ZNF438: variants seen among roughly 807,000 people sequenced by gnomAD.
ZNF438 encodes zinc finger protein 438.
A neutral mutation model predicts 38.0 loss-of-function variants in ZNF438; 25 were observed. The ratio of observed to expected loss-of-function variants is 0.66; its 90% CI spans 0.48 to 0.92. The LOEUF (loss-of-function observed/expected upper bound fraction) is 0.92, where lower values mean the gene tolerates loss of function less well. Among genes scored for constraint, ZNF438 ranks in the 40% least tolerant of loss-of-function variants. The pLI is 0.00. For missense variants in ZNF438, 1,007 were observed against 999.6 expected, an observed-to-expected ratio of 1.01 and a Z score of -0.10; for synonymous variants, 372 against 364.1, an observed-to-expected ratio of 1.02 and a Z score of -0.25.
At chr10:30,916,564 A>G (rs529544740) in intron 2 of ZNF438, among the ~76,000 whole-genome samples, 78 of 151,884 alleles carry the variant, frequency 5.1e-4, no homozygotes, top group African/African-American at 1.8e-3. Context: ...TAGTGTTACC[A>G]TATGTATCCC....
intron 4 of ZNF438, among the ~76,000 whole-genome samples, chr10:30,875,179 G>A (rs1286311396): frequency 6.6e-6 from 1 of 152,152 alleles, no homozygotes; most frequent in Non-Finnish European, 1.5e-5. Flanking sequence ...GTCAATGGAA[G>A]TATCCAAGCT....
At chr10:30,875,882 T>G (rs1020518743) in intron 4 of ZNF438, among the ~76,000 whole-genome samples, 5 of 152,258 alleles carry the variant, frequency 3.3e-5, no homozygotes, top group African/African-American at 1.2e-4. Flanking sequence ...AAGATGAGGA[T>G]GTCCCAGATA....
chr10:31,019,046 C>T (rs2056406261), intron 1 of ZNF438, among the ~76,000 whole-genome samples: 1 of 152,176 alleles, frequency 6.6e-6, no homozygotes, highest in Admixed American at 6.5e-5. Flanking sequence ...CTGGCTAAAC[C>T]AACAGGGTTC....
intron 3 of ZNF438, among the ~76,000 whole-genome samples, chr10:30,896,567 T>C (rs190311414): frequency 6.1e-4 from 93 of 152,224 alleles, no homozygotes; most frequent in Non-Finnish European, 1.0e-4. Context: ...AGGGCAAACA[T>C]TGTATGATTC....
chr10:30,969,245 A>C (rs1255795348), intron 1 of ZNF438, among the ~76,000 whole-genome samples: 20 of 152,226 alleles, frequency 1.3e-4, no homozygotes, highest in Non-Finnish European at 1.5e-5. Context: ...AAGAGGGAAC[A>C]AAAAAATCAA....
intron 1 of ZNF438, among the ~76,000 whole-genome samples, chr10:30,985,566 T>C (rs2052677618): frequency 6.6e-6 from 1 of 152,240 alleles, no homozygotes; most frequent in African/African-American, 2.4e-5. Context: ...ATCTAATTCA[T>C]GAAACCAAAG....
At chr10:30,872,158 G>A (rs1246021373) in intron 4 of ZNF438, among the ~76,000 whole-genome samples, 1 of 152,064 alleles carries the variant, frequency 6.6e-6, no homozygotes. Context: ...CACCTTGGGA[G>A]GCTGAGGTGG....
intron 5 of ZNF438, 93 bp from the exon 7 acceptor site, chr10:30,845,666 A>AT (rs2031838121): frequency 6.9e-7 from 1 of 1,446,324 alleles, no homozygotes; most frequent in African/African-American, 1.4e-5. Context: ...GATCTAAAAC[A>AT]TAACACTGAC....
intron 3 of ZNF438, among the ~76,000 whole-genome samples, chr10:30,892,684 A>T (rs2040844809): frequency 6.6e-6 from 1 of 152,150 alleles, no homozygotes; most frequent in African/African-American, 2.4e-5. Context: ...GCAACGGCTC[A>T]ACAGCTCTTT....
chr10:30,883,984 C>T (rs1281470169), intron 3 of ZNF438, among the ~76,000 whole-genome samples: 2 of 152,222 alleles, frequency 1.3e-5, no homozygotes, highest in East Asian at 3.9e-4. Context: ...AAGTATGCAT[C>T]TCTCAGCGGG....
intron 3 of ZNF438, among the ~76,000 whole-genome samples, chr10:30,888,257 C>G (rs1462851857): frequency 6.6e-6 from 1 of 151,832 alleles, no homozygotes; most frequent in Non-Finnish European, 1.5e-5. Context: ...AAAAAACTAC[C>G]TCTTCTAAGC....
At chr10:30,902,631 T>G (rs183846405) in intron 3 of ZNF438, among the ~76,000 whole-genome samples, 120 of 152,292 alleles carry the variant, frequency 7.9e-4, no homozygotes, top group Non-Finnish European at 1.5e-3. Flanking sequence ...GAGCGCTGAT[T>G]GGTGCATTTA....
At chr10:30,899,579 T>C (rs548154491) in intron 3 of ZNF438, among the ~76,000 whole-genome samples, 39 of 152,194 alleles carry the variant, frequency 2.6e-4, no homozygotes, top group Non-Finnish European at 4.9e-4. Flanking sequence ...TAACAGGCTG[T>C]TTCAGAATTC....
chr10:31,017,718 C>T (rs1020096384), intron 1 of ZNF438, among the ~76,000 whole-genome samples: 2 of 152,230 alleles, frequency 1.3e-5, no homozygotes, highest in African/African-American at 4.8e-5. Context: ...GATTATACCA[C>T]TCCAACCCAC....
chr10:30,846,556 C>A (rs2032157958), intron 5 of ZNF438, among the ~76,000 whole-genome samples: 6 of 152,188 alleles, frequency 3.9e-5, no homozygotes, highest in Admixed American at 3.9e-4. Context: ...GGTGGTGCCA[C>A]ACTTCATGGA....
chr10:30,893,726 G>T lies in ZNF438; in HGVS notation c.-32+15207C>A, dbSNP rs184624657. On this transcript the variant is annotated intron_variant, in intron 3 of 5. Transcript: ENST00000413025. The stretch of plus-strand genomic sequence containing the variant: ...ATTTTTAACTTGTCCATACTAAGTG[G>T]TTTATTTTAGATGTACACTGCTCCC... 2.4e-3 allele frequency among the ~76,000 whole-genome samples: 368 copies of T among 152,224 alleles called. 1 individual carries two copies. Among genetic ancestry groups the T allele is most frequent in the African/African-American group, 8.3e-3 (346 of 41,526 alleles).
chr10:30,976,155 C>G (rs944088262), intron 1 of ZNF438, among the ~76,000 whole-genome samples: 3 of 151,668 alleles, frequency 2.0e-5, no homozygotes, highest in South Asian at 2.1e-4. Flanking sequence ...ATCAAAACAG[C>G]AAAAAATCCA....
chr10:30,937,018 C>A (rs776579516), intron 2 of ZNF438, among the ~76,000 whole-genome samples: 2 of 152,150 alleles, frequency 1.3e-5, no homozygotes, highest in Non-Finnish European at 2.9e-5. Flanking sequence ...CTATCGTGTT[C>A]CTCTTGGACC....
intron 3 of ZNF438, among the ~76,000 whole-genome samples, chr10:30,881,547 ATGG>A (rs2039260740): frequency 6.6e-6 from 1 of 152,168 alleles, no homozygotes; most frequent in Non-Finnish European, 1.5e-5. Context: ...TGTTGTTAAA[ATGG>A]CAATTCTCTT....
Sources: gnomAD v4.1 joint callset for allele counts (sites outside exome capture counted in the v4.1 genomes callset) on GRCh38, gnomAD v4.1.1 for gene constraint, MANE v1.5 for transcripts, NCBI Gene and HGNC (gene_info 2026-07-23, HGNC 2026-07-21) for gene names.